The following ESR1 variants were observed in gnomAD, a reference collection of about 807,000 sequenced individuals.
ESR1 encodes estrogen receptor.
A neutral mutation model predicts 52.7 loss-of-function variants in ESR1; 12 were observed. The observed-to-expected ratio is 0.23, with a 90% CI of 0.15 to 0.37. The LOEUF (loss-of-function observed/expected upper bound fraction) is 0.37, where lower values mean the gene tolerates loss of function less well. Ranked by LOEUF, ESR1 falls within the 10% of genes least tolerant of loss-of-function variation. The pLI, the probability that ESR1 is intolerant of heterozygous loss-of-function variation, is 1.00. For synonymous variants in ESR1, 305 were observed against 316.8 expected (o/e 0.96, Z 0.39); for missense variants, 584 against 779.7 (o/e 0.75, Z 2.99).
rs531672563 is a variant in ESR1 at position 152,078,530 on chromosome 6, CTGG to C, written c.1370-15853_1370-15851del. ...CCAAGATGGCTGAATAGGAACAGCT[CTGG>C]TCTGTAGCTCCCAGCGAGATCGAAG... is the stretch of plus-strand genomic sequence containing the variant. On this transcript the variant is annotated intron_variant, in intron 6 of 7. Transcript: ENST00000206249. 1.2e-4 allele frequency among the ~76,000 whole-genome samples: 18 copies of C among 152,208 alleles called. 2 individuals carry two copies. The South Asian group carries it at 3.5e-3, about 30-fold the overall frequency.
chr6:151,678,661 C>T (rs796747824), intron 1 of ESR1, among the ~76,000 whole-genome samples: 10 of 151,174 alleles, frequency 6.6e-5, no homozygotes, highest in Middle Eastern at 3.5e-3. Context: ...GATCAGACAC[C>T]TGTCTGGGCT....
At chr6:151,675,742 T>C (rs967659084) in intron 1 of ESR1, among the ~76,000 whole-genome samples, 2 of 152,250 alleles carry the variant, frequency 1.3e-5, no homozygotes, top group Admixed American at 6.5e-5. Flanking sequence ...CTTGTTAGCA[T>C]AATTTGGCCA....
At chr6:151,682,547 G>A (rs1778499868) in intron 1 of ESR1, among the ~76,000 whole-genome samples, 2 of 152,164 alleles carry the variant, frequency 1.3e-5, no homozygotes, top group South Asian at 4.1e-4. Context: ...TAGAAGAAAG[G>A]TGCAGCTTGT....
intron 2 of ESR1, among the ~76,000 whole-genome samples, chr6:151,793,488 A>G (rs977635002): frequency 6.6e-6 from 1 of 152,244 alleles, no homozygotes; most frequent in African/African-American, 2.4e-5. Context: ...TAAATTAGTC[A>G]TATAGTCATT....
intron 2 of ESR1, among the ~76,000 whole-genome samples, chr6:151,722,203 G>T (rs1718389546): frequency 6.6e-6 from 1 of 152,218 alleles, no homozygotes; most frequent in Admixed American, 6.5e-5. Context: ...CAGGTGCCTG[G>T]GAGGAGTGAA....
At position 152,100,170 on chromosome 6, in the gene ESR1, G is replaced by A; in HGVS notation, c.*1204G>A. On this transcript the variant is annotated 3_prime_UTR_variant, in exon 8 of 8. Coordinates refer to ENST00000206249, the MANE Select transcript of ESR1 (RefSeq NM_000125.4). ...TTTGGGGGTGCCCTGGGATCCCTGG[G>A]GTAGTCCAGCTCTTCTTCATTTCCC... 1 of 398,250 alleles carries A rather than the reference G, an allele frequency of 2.5e-6. No homozygotes were observed. The highest frequency in any genetic ancestry group is 2.1e-5 in the African/African-American group (1 of 48,740). The allele number at this position is 398,250 out of a possible 1,614,324, so 24.7% of individuals were successfully genotyped here. A position where few individuals can be genotyped will look rare whatever the true frequency, so the allele number is the denominator to read the frequency against.
chr6:151,659,494 C>T (rs1777565679), intron 1 of ESR1, among the ~76,000 whole-genome samples: 1 of 152,324 alleles, frequency 6.6e-6, no homozygotes, highest in East Asian at 1.9e-4. Context: ...CTTTTTAGCA[C>T]TGAGTTTCTC....
chr6:151,673,318 G>A (rs1208770776), intron 1 of ESR1, among the ~76,000 whole-genome samples: 1 of 152,028 alleles, frequency 6.6e-6, no homozygotes, highest in Non-Finnish European at 1.5e-5. Context: ...AATAGTTTTT[G>A]CCTTATATAT....
At chr6:151,799,828 A>G (rs914237304), upstream of ESR1, among the ~76,000 whole-genome samples, 3 of 152,208 alleles carry the variant, frequency 2.0e-5, no homozygotes, top group Non-Finnish European at 4.4e-5. Context: ...GATGGGAGGA[A>G]GATTTCAGGT....
chr6:152,080,205 T>G (rs1562763288), intron 6 of ESR1, among the ~76,000 whole-genome samples: 1 of 151,866 alleles, frequency 6.6e-6, no homozygotes, highest in African/African-American at 2.4e-5. Context: ...ATTTAAAAAG[T>G]ATGAAATGAA....
At chr6:151,795,914 C>G (rs374623147) in intron 2 of ESR1, among the ~76,000 whole-genome samples, 5 of 151,688 alleles carry the variant, frequency 3.3e-5, no homozygotes, top group Admixed American at 6.6e-5. Flanking sequence ...TTTGGGAGGC[C>G]GAGGTGGGCG....
rs144956266 is a variant in ESR1 at position 151,974,752 on chromosome 6, T to A, written c.1096+30244T>A. 1.4e-3 allele frequency among the ~76,000 whole-genome samples: 209 copies of A among 152,316 alleles called. 1 individual carries two copies. Among genetic ancestry groups the A allele is most frequent in the African/African-American group, 4.9e-3 (203 of 41,584 alleles). On this transcript the variant is annotated intron_variant, in intron 4 of 7. Transcript: ENST00000206249. The stretch of plus-strand genomic sequence containing the variant: ...CTTAGTCTTTTTTTCCTATGTGAAA[T>A]AAAACATTTTAAGACAAGCAATGAA...
At chr6:151,729,720 T>C (rs1220684270) in intron 2 of ESR1, among the ~76,000 whole-genome samples, 1 of 152,068 alleles carries the variant, frequency 6.6e-6, no homozygotes, top group African/African-American at 2.4e-5. Flanking sequence ...TCAGAGACAT[T>C]AAGTAATTTG....
chr6:152,091,410 A>G (rs1361990491), intron 6 of ESR1, among the ~76,000 whole-genome samples: 1 of 152,222 alleles, frequency 6.6e-6, no homozygotes, highest in Non-Finnish European at 1.5e-5. Context: ...CAGGACTAGA[A>G]AAACAGGCTT....
intron 2 of ESR1, among the ~76,000 whole-genome samples, chr6:151,768,672 T>TA (rs1287432058): frequency 1.4e-4 from 21 of 152,012 alleles, no homozygotes; most frequent in Non-Finnish European, 1.8e-4. Flanking sequence ...GAAAAAAAAA[T>TA]AGATAAGTTC....
intron 1 of ESR1, among the ~76,000 whole-genome samples, chr6:151,680,204 CTTTT>C (rs35600661): frequency 6.3e-5 from 8 of 126,818 alleles, no homozygotes; most frequent in Admixed American, 1.7e-4. Flanking sequence ...TTTCTTTTCT[CTTTT>C]TTTTTTTTTT....
chr6:152,116,994 C>T (rs2051218216), intron 6 of ESR1, among the ~76,000 whole-genome samples: 1 of 152,018 alleles, frequency 6.6e-6, no homozygotes, highest in Non-Finnish European at 1.5e-5. Context: ...GTTAAAGGGC[C>T]CAAAGATGGA....
intron 6 of ESR1, among the ~76,000 whole-genome samples, chr6:152,124,199 G>C (rs983251416): frequency 9.9e-5 from 15 of 152,134 alleles, no homozygotes; most frequent in Non-Finnish European, 2.1e-4. Context: ...CCAGTCACTT[G>C]GGAGGCTGAG....
chr6:151,719,182 G>C (rs564930055), intron 2 of ESR1, among the ~76,000 whole-genome samples: 1 of 152,180 alleles, frequency 6.6e-6, no homozygotes, highest in African/African-American at 2.4e-5. Flanking sequence ...TTTACATCTC[G>C]TGGTGTAGAG....
Sources: allele counts gnomAD v4.1 joint callset (sites outside exome capture counted in the v4.1 genomes callset), GRCh38; gene constraint gnomAD v4.1.1; transcripts MANE v1.5; gene names NCBI Gene and HGNC (gene_info 2026-07-23, HGNC 2026-07-21).